Variants in PBX1 observed in about 807,000 individuals in gnomAD.
PBX1 encodes the protein pre-B-cell leukemia transcription factor 1.
In PBX1, 6 loss-of-function variants were observed where a neutral mutation model predicts 53.4. That is an observed-to-expected ratio of 0.11 (90% CI 0.06 to 0.22). The LOEUF (loss-of-function observed/expected upper bound fraction) is 0.22. Ranked by LOEUF, PBX1 falls within the 10% of genes least tolerant of loss-of-function variation. The pLI, the probability that PBX1 is intolerant of heterozygous loss-of-function variation, is 1.00. For missense variants in PBX1, 251 were observed against 551.4 expected (o/e 0.46, Z 5.46); for synonymous variants, 204 against 212.3 (o/e 0.96, Z 0.34).
chr1:164,642,282 A>G (rs1659190307), intron 2 of PBX1: 1 of 152,198 alleles, frequency 6.6e-6, no homozygotes, highest in Non-Finnish European at 1.5e-5. Flanking sequence ...AGTCCCAGCA[A>G]GTAGAAGTGT....
intron 2 of PBX1, among the ~76,000 whole-genome samples, chr1:164,707,196 G>A (rs1199586538): frequency 1.3e-5 from 2 of 152,184 alleles, no homozygotes; most frequent in African/African-American, 4.8e-5. Flanking sequence ...ATGGGAGGGA[G>A]CGTCTGTGAC....
intron 8 of PBX1, among the ~76,000 whole-genome samples, chr1:164,845,774 T>G (rs899043586): frequency 2.0e-5 from 3 of 152,170 alleles, no homozygotes; most frequent in African/African-American, 7.2e-5. Flanking sequence ...CCTTCCCGTC[T>G]CACCACCTCT....
intron 2 of PBX1, among the ~76,000 whole-genome samples, chr1:164,689,814 A>ATC (rs973191847): frequency 2.0e-5 from 3 of 150,636 alleles, no homozygotes; most frequent in African/African-American, 7.3e-5. Context: ...CCCTGTCCTC[A>ATC]TCTCTCTCTC....
Position 164,600,290 on chromosome 1 carries a change from C to T in PBX1, c.265+36979C>T, listed in dbSNP as rs1041650113. Among the ~76,000 whole-genome samples, 12 of 131,456 alleles carry T rather than the reference C, an allele frequency of 9.1e-5. 1 individual carries two copies. The South Asian group carries it at 1.5e-3, about 16-fold the overall frequency. The allele number at this position is 131,456 out of a possible 152,430, so 86.2% of individuals were successfully genotyped here. ...TTTTTGATACAGAGTCTTACTCTGTCGCCCAGGCTGGAGTGCAGTGGCGTG... is the reference window on the plus strand; with the variant it reads ...TTTTTGATACAGAGTCTTACTCTGTTGCCCAGGCTGGAGTGCAGTGGCGTG... On this transcript the variant is annotated intron_variant, in intron 2 of 8. Coordinates refer to ENST00000420696, the MANE Select transcript of PBX1 (RefSeq NM_002585.4).
intron 2 of PBX1, among the ~76,000 whole-genome samples, chr1:164,734,403 T>C (rs1377357244): frequency 6.6e-6 from 1 of 152,226 alleles, no homozygotes; most frequent in Non-Finnish European, 1.5e-5. Context: ...CTTGTCTGAA[T>C]AATTAATTCA....
At chr1:164,873,408 A>G (rs1672427229) in intron 2 of PBX1, among the ~76,000 whole-genome samples, 1 of 152,230 alleles carries the variant, frequency 6.6e-6, no homozygotes, top group African/African-American at 2.4e-5. Context: ...CTGCCGTTCC[A>G]TGAGCCCCCT....
rs189756092 is a variant in PBX1 at position 164,646,658 on chromosome 1, A to G, written c.265+83347A>G. Among the ~76,000 whole-genome samples, 441 of 152,354 alleles carry G rather than the reference A, an allele frequency of 2.9e-3. 5 individuals are homozygous for G. In the Middle Eastern group the frequency reaches 0.065, roughly 22 times the overall value. The stretch of plus-strand genomic sequence containing the variant: ...TCACACATACCTGTGTACATTTGTT[A>G]GGATATGTCCCTGCTCGTTGAGAGG... On this transcript the variant is annotated intron_variant, in intron 2 of 8. Coordinates refer to ENST00000420696, the MANE Select transcript of PBX1 (RefSeq NM_002585.4).
chr1:164,706,634 T>TA (rs1357180066), intron 2 of PBX1, among the ~76,000 whole-genome samples: 2 of 152,178 alleles, frequency 1.3e-5, no homozygotes, highest in Non-Finnish European at 2.9e-5. Flanking sequence ...GCATAGCCCC[T>TA]ATTTGGTGAA....
intron 2 of PBX1, among the ~76,000 whole-genome samples, chr1:164,578,657 C>T (rs56217471): frequency 1.3e-5 from 2 of 152,112 alleles, no homozygotes; most frequent in Non-Finnish European, 1.5e-5. Context: ...TCCCAAAGCC[C>T]ATGACAGGAG....
At chr1:164,651,340 A>C (rs530099937) in intron 2 of PBX1, among the ~76,000 whole-genome samples, 2 of 151,676 alleles carry the variant, frequency 1.3e-5, no homozygotes, top group South Asian at 4.2e-4. Context: ...AAAGGTCTCT[A>C]CCTGGCTCAT....
At chr1:164,745,061 A>C (rs1665822335) in intron 2 of PBX1, among the ~76,000 whole-genome samples, 1 of 152,212 alleles carries the variant, frequency 6.6e-6, no homozygotes, top group African/African-American at 2.4e-5. Context: ...TGAGTCAGAG[A>C]GCAGCAGAAC....
intron 2 of PBX1, among the ~76,000 whole-genome samples, chr1:164,857,413 CACTA>C (rs61388399): frequency 0.48 from 73,375 of 151,646 alleles, 17,948 homozygotes; most frequent in Non-Finnish European, 0.52. Context: ...TGGATGTGTT[CACTA>C]ACTCAGAAGC....
At chr1:164,862,140 G>A (rs1158902184) in intron 2 of PBX1, among the ~76,000 whole-genome samples, 1 of 152,190 alleles carries the variant, frequency 6.6e-6, no homozygotes, top group African/African-American at 2.4e-5. Flanking sequence ...GAAATAGGAA[G>A]ACCAGTGAGG....
At chr1:164,676,106 G>A (rs1040372184) in intron 2 of PBX1, among the ~76,000 whole-genome samples, 4 of 152,166 alleles carry the variant, frequency 2.6e-5, no homozygotes, top group African/African-American at 9.7e-5. Flanking sequence ...ACTGCACAGA[G>A]GGGTGCAAGA....
chr1:164,589,061 C>T (rs1441234770), intron 2 of PBX1, among the ~76,000 whole-genome samples: 2 of 152,204 alleles, frequency 1.3e-5, no homozygotes, highest in South Asian at 2.1e-4. Flanking sequence ...AACAAAGTGG[C>T]GCAGACCTTT....
chr1:164,773,268 C>CACACACACACACACAT (rs1667475728), intron 2 of PBX1, among the ~76,000 whole-genome samples: 2 of 151,918 alleles, frequency 1.3e-5, no homozygotes, highest in Non-Finnish European at 2.9e-5. Flanking sequence ...CACACACACA[C>CACACACACACACACAT]ACACAGAGTT....
At chr1:164,813,923 G>A (rs1485418954) in intron 6 of PBX1, 1 of 152,084 alleles carries the variant, frequency 6.6e-6, no homozygotes, top group East Asian at 1.9e-4. Flanking sequence ...TTTTTCTGGT[G>A]GCTTAAACAT....
chr1:164,837,499 G>A (rs949737180), intron 8 of PBX1, among the ~76,000 whole-genome samples: 1 of 152,134 alleles, frequency 6.6e-6, no homozygotes, highest in Non-Finnish European at 1.5e-5. Context: ...ATGTATATCA[G>A]CTCTACGTGA....
chr1:164,771,596 A>G (rs1396975899), intron 2 of PBX1: 2 of 152,102 alleles, frequency 1.3e-5, no homozygotes, highest in Non-Finnish European at 2.9e-5. Flanking sequence ...AAAAAAAAGA[A>G]TGCAAATAGA....
Sources: gnomAD v4.1 joint callset for allele counts (sites outside exome capture counted in the v4.1 genomes callset) on GRCh38, gnomAD v4.1.1 for gene constraint, MANE v1.5 for transcripts, NCBI Gene and HGNC (gene_info 2026-07-23, HGNC 2026-07-21) for gene names.